The following PTPA variants were observed in gnomAD, a reference collection of about 807,000 sequenced individuals.
PTPA encodes the protein serine/threonine-protein phosphatase 2A activator.
PTPA carries 13 observed loss-of-function variants against 43.6 expected under a neutral mutation model. The observed-to-expected ratio is 0.30, with a 90% confidence interval of 0.19 to 0.47. The LOEUF (loss-of-function observed/expected upper bound fraction) is 0.47. Among genes scored for constraint, PTPA ranks in the 20% least tolerant of loss-of-function variants. PTPA has a pLI of 0.99. For synonymous variants in PTPA, 172 were observed against 158.2 expected (o/e 1.09, Z -0.66); for missense variants, 329 against 411.9 (o/e 0.80, Z 1.74).
intron 3 of PTPA, among the ~76,000 whole-genome samples, chr9:129,127,178 CT>C (rs1479257862): frequency 1.3e-5 from 2 of 152,182 alleles, no homozygotes; most frequent in Non-Finnish European, 2.9e-5. Flanking sequence ...TTACAGGCTA[CT>C]TTTTCTGTCC....
chr9:129,131,697 C>A (rs1849982726), intron 5 of PTPA, 58 bp downstream of exon 5: 2 of 1,529,978 alleles, frequency 1.3e-6, no homozygotes, highest in Non-Finnish European at 1.8e-6. Flanking sequence ...CTGTTTTGGG[C>A]TTCAGGTGGT....
rs894337415 is a variant in PTPA at position 129,138,357 on chromosome 9, C to T, written c.786+665C>T. On this transcript the variant is annotated intron_variant, in intron 8 of 9. Transcript: ENST00000393370. ...AGTGTGTTTGTTAAAACGCACATTCCTGGGCCCTCCATCCCAGCTTATTGC... is the reference window on the plus strand; with the variant it reads ...AGTGTGTTTGTTAAAACGCACATTCTTGGGCCCTCCATCCCAGCTTATTGC... Among the ~76,000 whole-genome samples, 5 of 152,330 alleles carry T rather than the reference C, an allele frequency of 3.3e-5. 1 individual carries two copies. The highest frequency in any genetic ancestry group is 4.1e-4 in the South Asian group (2 of 4,822).
At position 129,123,964 on chromosome 9, in the gene PTPA, T is replaced by C. The variant is rs557172500; in HGVS notation, c.216+826T>C. Among the ~76,000 whole-genome samples, 75 of 151,702 alleles carry C rather than the reference T, an allele frequency of 4.9e-4. 1 individual carries two copies. In the East Asian group the frequency reaches 0.012, roughly 24 times the overall value. The stretch of plus-strand genomic sequence containing the variant: ...TCCCAAAGTGCTGGGATTACAGGCA[T>C]GAGCCACTGCGCCTGGCCTGGTGTT... On this transcript the variant is annotated intron_variant, in intron 3 of 9. Transcript: ENST00000393370.
At chr9:129,137,512 G>A (rs564269669) in intron 7 of PTPA, 80 bp from the exon 8 acceptor site, 6 of 1,145,784 alleles carry the variant, frequency 5.2e-6, no homozygotes, top group East Asian at 2.5e-5. Flanking sequence ...AGGCCCCTGG[G>A]GGGGTGTGAC....
chr9:129,135,052 C>CT (rs1850268455), intron 6 of PTPA, among the ~76,000 whole-genome samples, 158 bp downstream of exon 6: 1 of 152,152 alleles, frequency 6.6e-6, no homozygotes, highest in South Asian at 2.1e-4. Flanking sequence ...GTGTCCAAGC[C>CT]TTTTTTCCAA....
intron 2 of PTPA, among the ~76,000 whole-genome samples, chr9:129,121,682 C>A (rs529426595): frequency 1.3e-5 from 2 of 152,376 alleles, no homozygotes; most frequent in South Asian, 4.1e-4. Context: ...GGCAGCATGC[C>A]TTTCCCCAGC....
intron 9 of PTPA, chr9:129,143,271 G>A: frequency 1.4e-6 from 1 of 701,082 alleles, no homozygotes; most frequent in East Asian, 2.7e-5. Flanking sequence ...CACTTCCTGG[G>A]AAGACTAATT....
In PTPA at chr9:129,147,727, A is replaced by G. The variant is rs1410387345; in HGVS notation, c.*263A>G. 2.2e-6 allele frequency: 1 copy of G among 461,344 alleles called. No homozygotes were observed. The highest frequency in any genetic ancestry group is 2.0e-5 in the African/African-American group (1 of 50,048). The allele number at this position is 461,344 out of a possible 1,614,324, so 28.6% of individuals were successfully genotyped here. On this transcript the variant is annotated 3_prime_UTR_variant, in exon 10 of 10. Transcript: ENST00000393370. ...AGAAGAGAGGGTCTGGGGCCTGGTC[A>G]CTCGGCCACTCTCTCCTGTTTCTGG...
intron 9 of PTPA, among the ~76,000 whole-genome samples, chr9:129,146,020 C>A (rs1005895160): frequency 5.9e-5 from 9 of 151,910 alleles, no homozygotes; most frequent in South Asian, 2.1e-4. Context: ...GAACCCCTGC[C>A]TCCACCCCTT....
At chr9:129,141,589 CTG>C (rs1313007667) in intron 8 of PTPA, 1 of 152,330 alleles carries the variant, frequency 6.6e-6, no homozygotes, top group Non-Finnish European at 1.5e-5. Context: ...AGGCGTCCCT[CTG>C]TGGTTTCTGA....
chr9:129,113,718 C>T (rs933486552), intron 1 of PTPA, among the ~76,000 whole-genome samples: 7 of 151,824 alleles, frequency 4.6e-5, no homozygotes, highest in Non-Finnish European at 8.8e-5. Context: ...TGCAGTGAGC[C>T]GAGATTGCTC....
intron 9 of PTPA, chr9:129,143,253 G>C: frequency 8.6e-6 from 6 of 698,290 alleles, no homozygotes; most frequent in Non-Finnish European, 1.3e-5. Context: ...CCTTCTGCTA[G>C]CTCCTCCCAC....
chr9:129,127,642 G>A (rs1849666091), intron 3 of PTPA, among the ~76,000 whole-genome samples: 1 of 152,168 alleles, frequency 6.6e-6, no homozygotes, highest in South Asian at 2.1e-4. Flanking sequence ...TTTCTTCATT[G>A]AGTAACATTT....
chr9:129,143,952 G>A (rs17509021), intron 9 of PTPA, among the ~76,000 whole-genome samples: 9,247 of 151,294 alleles, frequency 0.061, 907 homozygotes, highest in African/African-American at 0.21. Flanking sequence ...GGTGCACATC[G>A]CCCACCAGCC....
At position 129,147,387 on chromosome 9, in the gene PTPA, T is replaced by A. The variant is rs201522942; in HGVS notation, c.895T>A (p.Cys299Ser). Residue 299 changes from cysteine to serine, a missense_variant and splice_region_variant, in exon 10 of 10, where the codon TGC becomes AGC. Coordinates refer to ENST00000393370, the MANE Select transcript of PTPA (RefSeq NM_178000.3). ...CTGCTCACCTGCTCCTTCCTCACAGTGCCTGGAGAAGTTCCCTGTGATCCA... is the reference window on the plus strand; with the variant it reads ...CTGCTCACCTGCTCCTTCCTCACAGAGCCTGGAGAAGTTCCCTGTGATCCA... ...QGLIRMYKAE[C>S]LEKFPVIQHF... 2 of 1,613,846 alleles carry A rather than the reference T, an allele frequency of 1.2e-6. No individual in the cohort carries two copies. The highest frequency in any genetic ancestry group is 8.5e-7 in the Non-Finnish European group (1 of 1,179,838).
chr9:129,127,949 T>C (rs754300708), intron 3 of PTPA: 2 of 1,310,420 alleles, frequency 1.5e-6, no homozygotes, highest in East Asian at 1.0e-4. Context: ...GTCATAAGAT[T>C]ATGTTTATAT....
At chr9:129,122,483 G>T (rs1312745617) in intron 2 of PTPA, among the ~76,000 whole-genome samples, 4 of 152,220 alleles carry the variant, frequency 2.6e-5, no homozygotes, top group Non-Finnish European at 5.9e-5. Flanking sequence ...GCTGGGAATG[G>T]TTGTGTGGGG....
At chr9:129,114,477 A>G (rs1848741345) in intron 1 of PTPA, among the ~76,000 whole-genome samples, 1 of 152,178 alleles carries the variant, frequency 6.6e-6, no homozygotes, top group Non-Finnish European at 1.5e-5. Context: ...TATTTCTTAA[A>G]ATAACTATAG....
intron 9 of PTPA, among the ~76,000 whole-genome samples, chr9:129,144,736 C>CAA (rs35064318): frequency 3.7e-5 from 4 of 108,010 alleles, no homozygotes; most frequent in East Asian, 2.7e-4. Flanking sequence ...GAGACTCTCT[C>CAA]AAAAAAAAAA....
Sources: gnomAD v4.1 joint callset for allele counts (sites outside exome capture counted in the v4.1 genomes callset) on GRCh38, gnomAD v4.1.1 for gene constraint, MANE v1.5 for transcripts, NCBI Gene and HGNC (gene_info 2026-07-23, HGNC 2026-07-21) for gene names.